ASRGL1: variants seen among roughly 807,000 people sequenced by gnomAD.
ASRGL1 encodes isoaspartyl peptidase/L-asparaginase.
ASRGL1 carries 16 observed loss-of-function variants against 22.4 expected under a neutral mutation model. The observed-to-expected ratio is 0.71, with a 90% confidence interval of 0.48 to 1.08. The LOEUF is 1.08. ASRGL1 is among the 50% of genes least tolerant of loss of function. ASRGL1 has a pLI of 0.00. For synonymous variants in ASRGL1, 165 were observed against 159.3 expected (o/e 1.04, Z -0.27); for missense variants, 412 against 410.1 (o/e 1.00, Z -0.04).
intron 4 of ASRGL1, chr11:62,372,641 G>A: frequency 1.1e-6 from 1 of 928,918 alleles, no homozygotes; most frequent in Non-Finnish European, 1.8e-6. Context: ...TGCTGGTCCT[G>A]GACTCCCAGA....
At chr11:62,355,415 C>G (rs1269494038) in intron 2 of ASRGL1, among the ~76,000 whole-genome samples, 1 of 150,068 alleles carries the variant, frequency 6.7e-6, no homozygotes, top group Non-Finnish European at 1.5e-5. Flanking sequence ...TTAGTAGAGA[C>G]GGGGTTTCAC....
intron 1 of ASRGL1, 143 bp from the exon 2 acceptor site, chr11:62,337,747 C>A: frequency 2.2e-6 from 1 of 457,236 alleles, no homozygotes; most frequent in Non-Finnish European, 3.8e-6. Flanking sequence ...AGACCCCCAG[C>A]AGGTCCGGGC....
intron 4 of ASRGL1, chr11:62,372,334 C>T: frequency 6.3e-7 from 1 of 1,589,488 alleles, no homozygotes; most frequent in Non-Finnish European, 8.6e-7. Context: ...TAGACAGACG[C>T]TGTCCCCAGC....
intron 4 of ASRGL1, among the ~76,000 whole-genome samples, chr11:62,378,651 G>T (rs954894505): frequency 2.0e-5 from 3 of 152,094 alleles, no homozygotes; most frequent in African/African-American, 7.2e-5. Flanking sequence ...CGGCATTTAC[G>T]GCTCTTAAGT....
rs114949078 is a variant in ASRGL1 at position 62,373,652 on chromosome 11, G to A, written c.492-15481G>A. Among the ~76,000 whole-genome samples the A allele has an allele frequency of 4.6e-3, 703 of 152,334 alleles. 11 individuals carry two copies. Among genetic ancestry groups the A allele is most frequent in the African/African-American group, 0.016 (674 of 41,564 alleles). ...CCCACCTCCATCCAAAATCATGCTC[G>A]CGTGCTTCGGAAGCATCCGGGTCAC... On this transcript the variant is annotated intron_variant, in intron 4 of 6. Transcript: ENST00000415229.
intron 4 of ASRGL1, among the ~76,000 whole-genome samples, chr11:62,379,998 T>G (rs1279848730): frequency 6.6e-6 from 1 of 152,176 alleles, no homozygotes; most frequent in Non-Finnish European, 1.5e-5. Flanking sequence ...TGTAGTAGCT[T>G]GAATAGTTAT....
chr11:62,362,817 C>CACAA (rs1555003161), intron 4 of ASRGL1, among the ~76,000 whole-genome samples: 1 of 112,038 alleles, frequency 8.9e-6, no homozygotes, highest in Non-Finnish European at 1.7e-5. Flanking sequence ...CTGACATACA[C>CACAA]ACACACACAC....
chr11:62,342,754 T>A (rs1324587309), intron 2 of ASRGL1, among the ~76,000 whole-genome samples: 3 of 151,186 alleles, frequency 2.0e-5, no homozygotes, highest in African/African-American at 7.3e-5. Context: ...AGAGACTCTG[T>A]CTCCAAAAAA....
chr11:62,369,289 C>G (rs1365165845), intron 4 of ASRGL1, among the ~76,000 whole-genome samples: 1 of 152,124 alleles, frequency 6.6e-6, no homozygotes, highest in African/African-American at 2.4e-5. Flanking sequence ...AACCTTGAGT[C>G]AACACAGCAC....
chr11:62,360,714 A>G (rs2134620553), intron 4 of ASRGL1, among the ~76,000 whole-genome samples: 1 of 152,356 alleles, frequency 6.6e-6, no homozygotes, highest in South Asian at 2.1e-4. Context: ...CCAAATCCAC[A>G]GTTTGAACAA....
At chr11:62,383,558 C>CAG (rs1947125381) in intron 4 of ASRGL1, among the ~76,000 whole-genome samples, 1 of 137,546 alleles carries the variant, frequency 7.3e-6, no homozygotes, top group Non-Finnish European at 1.6e-5. Context: ...AGCCGAGATC[C>CAG]CGCCACTGCA....
At chr11:62,356,862 A>G (rs890053028) in intron 3 of ASRGL1, 125 bp from the exon 4 acceptor site, 52 of 1,226,772 alleles carry the variant, frequency 4.2e-5, no homozygotes, top group Non-Finnish European at 5.6e-5. Context: ...AAAGCAAACC[A>G]CTGGAATTTG....
At chr11:62,349,624 G>A (rs991895370) in intron 2 of ASRGL1, among the ~76,000 whole-genome samples, 2 of 152,142 alleles carry the variant, frequency 1.3e-5, no homozygotes, top group African/African-American at 2.4e-5. Flanking sequence ...AGAATGTTCT[G>A]TAAATGGAGT....
chr11:62,355,622 C>CTTTTT (rs56828559), intron 2 of ASRGL1, among the ~76,000 whole-genome samples: 13 of 131,940 alleles, frequency 9.9e-5, no homozygotes, highest in African/African-American at 3.7e-4. Context: ...TTTCTAAATT[C>CTTTTT]TTTTTTTTTT....
chr11:62,389,093 A>G (rs1249284367), intron 4 of ASRGL1, 40 bp from the exon 5 acceptor site: 1 of 1,546,204 alleles, frequency 6.5e-7, no homozygotes, highest in South Asian at 1.1e-5. Flanking sequence ...GTTCATTCTC[A>G]TTTTCAGCCT....
rs772329233 is a variant in ASRGL1 at position 62,392,197 on chromosome 11, C to T, written c.840C>T (p.Ser280=). 4 of 1,614,090 alleles carry T rather than the reference C, an allele frequency of 2.5e-6. No individual in the cohort carries two copies. Among genetic ancestry groups the T allele is most frequent in the Non-Finnish European group, 3.4e-6 (4 of 1,180,044 alleles). The change falls in exon 7 of 7, where the codon TCC becomes TCT. Residue 280 remains serine (S), a synonymous_variant. Transcript: ENST00000415229. ...GAGACTGGGTGGCAAAGTGGACCTC[C>T]ACCTCCATGCCCTGGGCAGCCGCCA... ...KTGDWVAKWT[S]TSMPWAAAKD...
chr11:62,386,931 C>T (rs1483191495), intron 4 of ASRGL1, among the ~76,000 whole-genome samples: 2 of 151,304 alleles, frequency 1.3e-5, no homozygotes, highest in Admixed American at 1.3e-4. Context: ...CTCACTCTGT[C>T]ACCCAGGCTG....
intron 4 of ASRGL1, among the ~76,000 whole-genome samples, chr11:62,386,452 G>GTACATATCATACATATCATAGATATT (rs1947207187): frequency 2.0e-5 from 3 of 151,706 alleles, no homozygotes; most frequent in Non-Finnish European, 4.4e-5. Context: ...TCATAGATAT[G>GTACATATCATACATATCATAGATATT]TACATATCAT....
intron 4 of ASRGL1, chr11:62,371,764 A>G (rs1350697227): frequency 1.0e-5 from 5 of 492,618 alleles, no homozygotes; most frequent in Admixed American, 5.6e-5. Flanking sequence ...CATCCTGGCT[A>G]ACACGGTGAA....
Sources: gnomAD v4.1 joint callset for allele counts (sites outside exome capture counted in the v4.1 genomes callset) on GRCh38, gnomAD v4.1.1 for gene constraint, MANE v1.5 for transcripts, NCBI Gene and HGNC (gene_info 2026-07-23, HGNC 2026-07-21) for gene names.